Variants in JAKMIP1 observed in about 807,000 individuals in gnomAD.
JAKMIP1 encodes the protein janus kinase and microtubule interacting protein 1, also known as janus kinase and microtubule-interacting protein 1.
A neutral mutation model predicts 113.0 loss-of-function variants in JAKMIP1; 33 were observed. The observed-to-expected ratio is 0.29, with a 90% CI of 0.22 to 0.39. JAKMIP1 has a LOEUF of 0.39. JAKMIP1 is among the 10% of genes least tolerant of loss of function. JAKMIP1 has a pLI of 1.00. For missense variants in JAKMIP1, 813 were observed against 1,080.5 expected (o/e 0.75, Z 3.47); for synonymous variants, 480 against 459.9 (o/e 1.04, Z -0.56).
At chr4:6,057,535 CCCTGGCA>C (rs1716647063) in intron 11 of JAKMIP1, among the ~76,000 whole-genome samples, 1 of 152,222 alleles carries the variant, frequency 6.6e-6, no homozygotes, top group African/African-American at 2.4e-5. Flanking sequence ...GCTTCTGTCT[CCCTGGCA>C]CCTGGCACCT....
chr4:6,171,721 A>G (rs1006177596), intron 1 of JAKMIP1, among the ~76,000 whole-genome samples: 1 of 152,180 alleles, frequency 6.6e-6, no homozygotes, highest in Admixed American at 6.5e-5. Context: ...TGAACCCAGG[A>G]GTACCGTGCA....
chr4:6,047,172 C>A lies in JAKMIP1; in HGVS notation c.2028+1685G>T, dbSNP rs151338918. ...CCGGCTGAAACCCCTGCAGCTGGCA[C>A]GTGGTGTAGCCAAGACGCAAGCCAG... On this transcript the variant is annotated intron_variant, in intron 16 of 20. Coordinates refer to ENST00000409021, the MANE Select transcript of JAKMIP1 (RefSeq NM_001099433.2). Among the ~76,000 whole-genome samples, 5 of 152,208 alleles carry A rather than the reference C, an allele frequency of 3.3e-5. No individual in the cohort carries two copies. The East Asian group carries it at 9.6e-4, about 29-fold the overall frequency.
intron 8 of JAKMIP1, among the ~76,000 whole-genome samples, chr4:6,066,635 G>A (rs1718127679): frequency 6.6e-6 from 1 of 152,126 alleles, no homozygotes; most frequent in East Asian, 1.9e-4. Context: ...CCCAATCCCA[G>A]GAGTCCTCCC....
intron 1 of JAKMIP1, among the ~76,000 whole-genome samples, chr4:6,120,749 C>A (rs1297482768): frequency 6.6e-6 from 1 of 152,218 alleles, no homozygotes; most frequent in Non-Finnish European, 1.5e-5. Flanking sequence ...GAGTGAAGCT[C>A]ACACCCCAGG....
chr4:6,098,676 GAA>G (rs1404419256), intron 3 of JAKMIP1, among the ~76,000 whole-genome samples: 50 of 6,442 alleles, frequency 7.8e-3, no homozygotes, highest in South Asian at 0.066. Flanking sequence ...GAGAGAGAAA[GAA>G]AGAAAGAAAG....
intron 13 of JAKMIP1, among the ~76,000 whole-genome samples, chr4:6,052,552 C>T (rs753933415): frequency 6.0e-5 from 9 of 149,028 alleles, no homozygotes; most frequent in Non-Finnish European, 1.0e-4. Flanking sequence ...AGGTTGAGGC[C>T]GGAGAATCAC....
intron 8 of JAKMIP1, among the ~76,000 whole-genome samples, chr4:6,077,242 G>A (rs1232922657): frequency 6.6e-6 from 1 of 152,120 alleles, no homozygotes; most frequent in African/African-American, 2.4e-5. Context: ...TCCAGCATGA[G>A]TGGTGGCTTT....
At chr4:6,052,453 C>G (rs1715779995) in intron 13 of JAKMIP1, among the ~76,000 whole-genome samples, 1 of 151,874 alleles carries the variant, frequency 6.6e-6, no homozygotes, top group African/African-American at 2.4e-5. Flanking sequence ...TTGAGACCAG[C>G]CTGGCCAACA....
At chr4:6,104,041 T>G (rs13109412) in intron 3 of JAKMIP1, among the ~76,000 whole-genome samples, 6,683 of 152,304 alleles carry the variant, frequency 0.044, 177 homozygotes, top group South Asian at 0.076. Context: ...CTTCTTGAGA[T>G]AGAAGTTTAG....
chr4:6,052,225 A>T (rs985340649), intron 13 of JAKMIP1, among the ~76,000 whole-genome samples: 12 of 152,112 alleles, frequency 7.9e-5, no homozygotes, highest in Non-Finnish European at 1.5e-4. Context: ...TAAAATAAAA[A>T]AAAAACAAGC....
intron 5 of JAKMIP1, among the ~76,000 whole-genome samples, chr4:6,083,096 A>G (rs929132766): frequency 2.6e-5 from 4 of 152,190 alleles, no homozygotes; most frequent in African/African-American, 9.6e-5. Context: ...AACTAGCAGT[A>G]GTTACCTCAT....
chr4:6,148,510 G>T (rs886843937), intron 1 of JAKMIP1, among the ~76,000 whole-genome samples: 1 of 152,240 alleles, frequency 6.6e-6, no homozygotes, highest in Non-Finnish European at 1.5e-5. Flanking sequence ...GTGTGGGCAC[G>T]GACTCTGCGC....
chr4:6,074,925 T>C (rs1288227501), intron 8 of JAKMIP1, among the ~76,000 whole-genome samples: 1 of 152,150 alleles, frequency 6.6e-6, no homozygotes, highest in Non-Finnish European at 1.5e-5. Flanking sequence ...ATAGCCTAGG[T>C]GTGTAGGAGG....
At chr4:6,037,294 A>T (rs34739973) in intron 18 of JAKMIP1, among the ~76,000 whole-genome samples, 27 of 93,170 alleles carry the variant, frequency 2.9e-4, no homozygotes, top group African/African-American at 1.4e-3. Flanking sequence ...TAGCCCTCCA[A>T]CACCAAGGCA....
chr4:6,189,128 G>A (rs1187959455), intron 1 of JAKMIP1, among the ~76,000 whole-genome samples: 5 of 152,180 alleles, frequency 3.3e-5, no homozygotes, highest in African/African-American at 1.2e-4. Context: ...TATGGCTTGG[G>A]AGAAAGAGAA....
chr4:6,037,922 T>G (rs113480129), intron 18 of JAKMIP1, among the ~76,000 whole-genome samples: 2,572 of 74,124 alleles, frequency 0.035, no homozygotes, highest in African/African-American at 0.13. Flanking sequence ...CTAACCGGTA[T>G]CCCTCCATCA....
chr4:6,078,581 C>A (rs572609793), intron 8 of JAKMIP1, among the ~76,000 whole-genome samples: 1 of 151,968 alleles, frequency 6.6e-6, no homozygotes, highest in African/African-American at 2.4e-5. Context: ...ACACAAAGCT[C>A]CTGATTTTTT....
rs1467250241 is a variant in JAKMIP1 at position 6,088,217 on chromosome 4, A to C, written c.625-2588T>G. On this transcript the variant is annotated intron_variant, in intron 3 of 20. Transcript: ENST00000409021. This position sits in a 1 kb window ranked among gnomAD's most constrained non-coding sequence, Gnocchi z 5.5. The stretch of plus-strand genomic sequence containing the variant: ...CTGCTAGTGGGCGGAGCAGGCAATA[A>C]ACATAATAAATAAGCAGACATTGTA... Among the ~76,000 whole-genome samples the C allele has an allele frequency of 6.6e-6, 1 of 152,220 alleles. No homozygotes were observed. Among genetic ancestry groups the C allele is most frequent in the Non-Finnish European group, 1.5e-5 (1 of 68,036 alleles).
At chr4:6,084,486 A>G (rs1319181320) in intron 5 of JAKMIP1, among the ~76,000 whole-genome samples, 1 of 152,176 alleles carries the variant, frequency 6.6e-6, no homozygotes, top group African/African-American at 2.4e-5. Flanking sequence ...TTGTATAAAT[A>G]TTCCATAATC....
Sources: allele counts gnomAD v4.1 joint callset (sites outside exome capture counted in the v4.1 genomes callset), GRCh38; gene constraint gnomAD v4.1.1; non-coding constraint Gnocchi (gnomAD v3.1); transcripts MANE v1.5; gene names NCBI Gene and HGNC (gene_info 2026-07-23, HGNC 2026-07-21).